COL25A1: variants seen among roughly 807,000 people sequenced by gnomAD.
COL25A1 encodes collagen type XXV alpha 1 chain, also known as collagen alpha-1(XXV) chain.
A neutral mutation model predicts 128.4 loss-of-function variants in COL25A1; 103 were observed. That is an observed-to-expected ratio of 0.80 (90% CI 0.68 to 0.94). The LOEUF is 0.94. Ranked by LOEUF, COL25A1 falls within the 40% of genes least tolerant of loss-of-function variation. The pLI is 0.00. For synonymous variants in COL25A1, 279 were observed against 277.2 expected (o/e 1.01, Z -0.06); for missense variants, 745 against 840.0 (o/e 0.89, Z 1.40).
chr4:108,841,990 G>C (rs144431495), intron 30 of COL25A1, among the ~76,000 whole-genome samples: 37 of 152,298 alleles, frequency 2.4e-4, no homozygotes, highest in Non-Finnish European at 4.9e-4. Flanking sequence ...ATGGAAGAAA[G>C]AAGTAGGAAA....
chr4:108,838,069 C>A lies in COL25A1; in HGVS notation c.1656+3626G>T. 3 of 1,461,652 alleles carry A rather than the reference C, an allele frequency of 2.1e-6. No individual in the cohort carries two copies. The South Asian group carries it at 3.6e-5, about 18-fold the overall frequency. The allele number at this position is 1,461,652 out of a possible 1,614,324, so 90.5% of individuals were successfully genotyped here. On this transcript the variant is annotated intron_variant, in intron 31 of 37. Coordinates refer to ENST00000399132, the MANE Select transcript of COL25A1 (RefSeq NM_198721.4). ...GGTAGAAAGAAAAATCTGAGATTTG[C>A]ACTAAAATGGAAAGTTTTCTTTACT...
intron 3 of COL25A1, among the ~76,000 whole-genome samples, chr4:109,057,498 T>G (rs1208087979): frequency 7.3e-6 from 1 of 136,518 alleles, no homozygotes; most frequent in Non-Finnish European, 1.6e-5. Context: ...GCCAGGCTGG[T>G]CTCAAACTCC....
intron 11 of COL25A1, among the ~76,000 whole-genome samples, chr4:108,935,414 C>T (rs1461577649): frequency 1.3e-5 from 2 of 152,096 alleles, no homozygotes; most frequent in African/African-American, 2.4e-5. Context: ...CTGGGTTATG[C>T]ACTATAATTT....
At chr4:109,226,608 C>T (rs1395611136) in intron 3 of COL25A1, among the ~76,000 whole-genome samples, 1 of 152,028 alleles carries the variant, frequency 6.6e-6, no homozygotes, top group Non-Finnish European at 1.5e-5. Flanking sequence ...ATCCTGAATG[C>T]TGAAACTCTG....
At chr4:108,977,582 C>T (rs1201418341) in intron 6 of COL25A1, among the ~76,000 whole-genome samples, 1 of 152,108 alleles carries the variant, frequency 6.6e-6, no homozygotes, top group African/African-American at 2.4e-5. Context: ...TTAAAAAATA[C>T]AATTGAGGTT....
chr4:108,991,222 G>T (rs1361559669), intron 6 of COL25A1, among the ~76,000 whole-genome samples: 1 of 152,070 alleles, frequency 6.6e-6, no homozygotes, highest in Non-Finnish European at 1.5e-5. Flanking sequence ...GAATTGAGAG[G>T]AATATATTAG....
In COL25A1 at chr4:109,137,984, A is replaced by ATGTGTGTGTGTGTG. The variant is rs10700157; in HGVS notation, c.368-87819_368-87806dup. The stretch of plus-strand genomic sequence containing the variant: ...AACAGAAATTTCATTTTATATATAT[A>ATGTGTGTGTGTGTG]TGTGTGTGTGTGTGTGTGTGTGTGT... On this transcript the variant is annotated intron_variant, in intron 3 of 37. Transcript: ENST00000399132. Among the ~76,000 whole-genome samples the ATGTGTGTGTGTGTG allele has an allele frequency of 3.1e-3, 448 of 142,574 alleles. 2 individuals are homozygous for ATGTGTGTGTGTGTG. Among genetic ancestry groups the ATGTGTGTGTGTGTG allele is most frequent in the South Asian group, 9.4e-3 (39 of 4,150 alleles). 93.5% of individuals were successfully genotyped at this position (142,574 alleles called of 152,430 possible). A position where few individuals can be genotyped will look rare whatever the true frequency, so the allele number is the denominator to read the frequency against.
intron 4 of COL25A1, among the ~76,000 whole-genome samples, chr4:109,048,454 TAAGTA>T (rs1354141016): frequency 6.6e-6 from 1 of 152,192 alleles, no homozygotes; most frequent in Non-Finnish European, 1.5e-5. Context: ...TCATATATCT[TAAGTA>T]AAGACTAATT....
At chr4:108,881,694 T>TA (rs5860954) in intron 19 of COL25A1, among the ~76,000 whole-genome samples, 84,275 of 151,950 alleles carry the variant, frequency 0.55, 24,624 homozygotes, top group East Asian at 1. Flanking sequence ...GTCATAAAAT[T>TA]TAAGCCTTTA....
At chr4:109,160,465 T>C (rs973777663) in intron 3 of COL25A1, among the ~76,000 whole-genome samples, 8 of 152,192 alleles carry the variant, frequency 5.3e-5, no homozygotes, top group African/African-American at 1.9e-4. Context: ...TAAACATTAT[T>C]GCAAGTTTTT....
chr4:109,292,909 G>A (rs1175007403), intron 3 of COL25A1, among the ~76,000 whole-genome samples: 1 of 152,058 alleles, frequency 6.6e-6, no homozygotes, highest in Non-Finnish European at 1.5e-5. Flanking sequence ...TCACTTAGGA[G>A]CCCTAGAACC....
At chr4:109,226,946 C>T (rs1052151200) in intron 3 of COL25A1, among the ~76,000 whole-genome samples, 2 of 152,072 alleles carry the variant, frequency 1.3e-5, no homozygotes, top group Admixed American at 6.6e-5. Flanking sequence ...TTGGTCAAAA[C>T]GTGAAATGCA....
intron 3 of COL25A1, among the ~76,000 whole-genome samples, chr4:109,231,176 T>A (rs1031875540): frequency 6.7e-4 from 102 of 151,990 alleles, no homozygotes; most frequent in African/African-American, 2.3e-3. Context: ...TAAATAAATT[T>A]AAAAATTTTC....
At chr4:109,270,657 C>T (rs948242797) in intron 3 of COL25A1, among the ~76,000 whole-genome samples, 1 of 152,152 alleles carries the variant, frequency 6.6e-6, no homozygotes, top group Non-Finnish European at 1.5e-5. Flanking sequence ...CTCAGTTACT[C>T]TGATCTCATA....
chr4:109,071,978 G>A (rs1014554298), intron 3 of COL25A1, among the ~76,000 whole-genome samples: 29 of 152,290 alleles, frequency 1.9e-4, no homozygotes, highest in African/African-American at 6.7e-4. Flanking sequence ...AAATCATGCT[G>A]CTATAAAGAC....
chr4:109,105,736 A>T (rs1766367965), intron 3 of COL25A1, among the ~76,000 whole-genome samples: 1 of 152,210 alleles, frequency 6.6e-6, no homozygotes, highest in South Asian at 2.1e-4. Flanking sequence ...GAGCTCTGGC[A>T]CTTGCCCTTA....
At chr4:108,974,444 T>C in intron 7 of COL25A1, 51 bp from the exon 8 acceptor site, 1 of 1,610,796 alleles carries the variant, frequency 6.2e-7, no homozygotes, top group South Asian at 1.1e-5. Flanking sequence ...TTATACATGA[T>C]GTTCATTAAA....
intron 3 of COL25A1, among the ~76,000 whole-genome samples, chr4:109,293,860 T>G (rs1275444294): frequency 6.6e-6 from 1 of 152,122 alleles, no homozygotes; most frequent in Non-Finnish European, 1.5e-5. Flanking sequence ...TGATTCCAAA[T>G]GATTCTGGAT....
At chr4:109,293,191 A>T (rs1724637642) in intron 3 of COL25A1, among the ~76,000 whole-genome samples, 1 of 152,062 alleles carries the variant, frequency 6.6e-6, no homozygotes, top group African/African-American at 2.4e-5. Context: ...CATCTTAAAG[A>T]TCAAAAATGG....
Sources: gnomAD v4.1 joint callset for allele counts (sites outside exome capture counted in the v4.1 genomes callset) on GRCh38, gnomAD v4.1.1 for gene constraint, MANE v1.5 for transcripts, NCBI Gene and HGNC (gene_info 2026-07-23, HGNC 2026-07-21) for gene names.